Variants in OCLN observed in about 807,000 individuals in gnomAD.
OCLN encodes occludin, also known as phosphatase 1, regulatory subunit 115.
A neutral mutation model predicts 47.9 loss-of-function variants in OCLN; 21 were observed. That is an observed-to-expected ratio of 0.44 (90% confidence interval 0.31 to 0.63). The LOEUF is 0.63. Among genes scored for constraint, OCLN ranks in the 30% least tolerant of loss-of-function variants. The pLI is 0.08. For missense variants in OCLN, 360 were observed against 571.0 expected, an observed-to-expected ratio of 0.63 and a Z score of 3.77; for synonymous variants, 117 against 198.4, an observed-to-expected ratio of 0.59 and a Z score of 3.45.
At chr5:69,517,333 C>T (rs757845387) in intron 4 of OCLN, among the ~76,000 whole-genome samples, 16 of 143,778 alleles carry the variant, frequency 1.1e-4, no homozygotes, top group East Asian at 2.0e-4. Flanking sequence ...TTTTTTGAGA[C>T]GGCTTCTGGC....
chr5:69,514,203 A>G lies in OCLN; in HGVS notation c.891+94A>G. The G allele has an allele frequency of 2.7e-6, 3 of 1,091,600 alleles. No homozygotes were observed. The East Asian group carries it at 7.6e-5, about 28-fold the overall frequency. The allele number at this position is 1,091,600 out of a possible 1,614,324, so 67.6% of individuals were successfully genotyped here. On this transcript the variant is annotated intron_variant, in intron 4 of 8. Transcript: ENST00000396442. ...TTGTTAAACTTTATTCTTAGAATTA[A>G]TGTTTGTATATGTTGCAAAGGTTGT... is the stretch of plus-strand genomic sequence containing the variant.
intron 1 of OCLN, among the ~76,000 whole-genome samples, chr5:69,496,859 C>G (rs1768307428): frequency 6.6e-6 from 1 of 152,162 alleles, no homozygotes; most frequent in Admixed American, 6.5e-5. Flanking sequence ...TGCTGCTTCC[C>G]TTTTGCCCCC....
intron 3 of OCLN, among the ~76,000 whole-genome samples, chr5:69,511,832 C>G (rs952031188): frequency 1.3e-5 from 2 of 152,046 alleles, no homozygotes; most frequent in African/African-American, 4.8e-5. Context: ...CGAGACCAGC[C>G]TGGCCAACAT....
chr5:69,527,637 T>C (rs1370505796), intron 4 of OCLN, among the ~76,000 whole-genome samples: 2 of 152,172 alleles, frequency 1.3e-5, no homozygotes, highest in East Asian at 3.8e-4. Flanking sequence ...TTAGGACAAA[T>C]GTAGGGGTGT....
intron 4 of OCLN, among the ~76,000 whole-genome samples, chr5:69,527,280 A>C (rs1472159133): frequency 6.6e-6 from 1 of 151,998 alleles, no homozygotes; most frequent in African/African-American, 2.4e-5. Flanking sequence ...TCGTCTCAAA[A>C]AAAAAAAAAA....
In OCLN at chr5:69,553,654, G is replaced by C; in HGVS notation, c.1552G>C (p.Asp518His). The C allele has an allele frequency of 6.2e-7, 1 of 1,613,884 alleles. No individual in the cohort carries two copies. The highest frequency in any genetic ancestry group is 1.1e-5 in the South Asian group (1 of 91,074). ...CATCAAGAAGATGGTTGGAGACTAT[G>C]ATAGACAGAAAACATAGAAGGCTGA... The part of the protein sequence containing the change: ...SHIKKMVGDY[D>H]RQKT The change falls in exon 9 of 9, where the codon GAT becomes CAT. Residue 518 changes from aspartate (D) to histidine (H), a missense_variant. By Grantham distance (81) the Asp-to-His change is moderately conservative. This residue lies in a region of OCLN where 25 missense variants were observed against 43.9 expected (regional missense o/e 0.57). Transcript: ENST00000396442.
chr5:69,513,894 T>C, intron 3 of OCLN, 54 bp from the exon 4 acceptor site: 1 of 1,431,572 alleles, frequency 7.0e-7, no homozygotes, highest in Non-Finnish European at 9.9e-7. Context: ...AGAGGGTGAA[T>C]TGTGATTAAG....
chr5:69,509,791 A>G lies in OCLN; in HGVS notation c.701A>G (p.Tyr234Cys), dbSNP rs1768728280. 3 of 1,613,896 alleles carry G rather than the reference A, an allele frequency of 1.9e-6. No homozygotes were observed. The African/African-American group carries it at 4.0e-5, about 22-fold the overall frequency. Residue 234 changes from tyrosine (Y) to cysteine (C), a missense_variant, in exon 3 of 9, where the codon TAT becomes TGT. Transcript: ENST00000396442. ...GGACTCTACGTGGATCAGTATTTGT[A>G]TCACTACTGTGTTGTGGATCCCCAG... ...ATGLYVDQYL[Y>C]HYCVVDPQEA...
At chr5:69,529,788 A>C (rs1406084074) in intron 4 of OCLN, among the ~76,000 whole-genome samples, 1 of 151,992 alleles carries the variant, frequency 6.6e-6, no homozygotes, top group Non-Finnish European at 1.5e-5. Context: ...TTTTTAGTAG[A>C]GATGGGGTTT....
intron 3 of OCLN, among the ~76,000 whole-genome samples, chr5:69,511,441 TCTCA>T (rs1203105365): frequency 6.6e-6 from 1 of 151,904 alleles, no homozygotes; most frequent in Non-Finnish European, 1.5e-5. Context: ...TGAGACAGAG[TCTCA>T]CTGTCACCCA....
chr5:69,498,081 G>A lies in OCLN; in HGVS notation c.-69+5181G>A, dbSNP rs369252657. Among the ~76,000 whole-genome samples, 88 of 151,640 alleles carry A rather than the reference G, an allele frequency of 5.8e-4. 2 individuals carry two copies. The South Asian group carries it at 0.018, about 31-fold the overall frequency. ...CGGGAGGCGGAGCTTGCAGTGAGCC[G>A]AGATCCCGCCACTGCACTCCAGCCT... On this transcript the variant is annotated intron_variant, in intron 1 of 8. Transcript: ENST00000396442.
rs1768190634 is a variant in OCLN at position 69,493,213 on chromosome 5, C to T, written c.-69+313C>T. On this transcript the variant is annotated intron_variant, in intron 1 of 8. Transcript: ENST00000396442. The surrounding 1 kb of genome is among the most constrained non-coding windows in gnomAD (Gnocchi z 5.3). ...CGGGCAACTTTTCACTTTTATGGGG[C>T]ACGACATTCCTGAACAGCGACGATC... 6.6e-6 allele frequency among the ~76,000 whole-genome samples: 1 copy of T among 152,158 alleles called. No individual in the cohort carries two copies. Among genetic ancestry groups the T allele is most frequent in the African/African-American group, 2.4e-5 (1 of 41,452 alleles).
intron 1 of OCLN, among the ~76,000 whole-genome samples, chr5:69,497,939 C>T (rs1002438960): frequency 9.2e-5 from 14 of 151,500 alleles, no homozygotes; most frequent in Non-Finnish European, 1.9e-4. Flanking sequence ...GAGACCATCC[C>T]GGCTAAAACG....
intron 4 of OCLN, among the ~76,000 whole-genome samples, chr5:69,529,245 C>A (rs975343230): frequency 1.3e-5 from 2 of 152,144 alleles, no homozygotes; most frequent in Non-Finnish European, 2.9e-5. Flanking sequence ...AGGAGAGCTG[C>A]CCTGTTTGTT....
intron 4 of OCLN, among the ~76,000 whole-genome samples, chr5:69,521,094 C>T (rs1050913718): frequency 3.3e-5 from 5 of 152,184 alleles, no homozygotes; most frequent in Admixed American, 3.3e-4. Flanking sequence ...GCGTCGGCCT[C>T]CCAAAGTGCT....
At chr5:69,510,912 G>T (rs74995686) in intron 3 of OCLN, among the ~76,000 whole-genome samples, 1 of 152,230 alleles carries the variant, frequency 6.6e-6, no homozygotes, top group African/African-American at 2.4e-5. Flanking sequence ...ACCAACACTT[G>T]TTATTGTCTG....
chr5:69,515,031 G>T (rs1768891166), intron 4 of OCLN, among the ~76,000 whole-genome samples: 1 of 152,140 alleles, frequency 6.6e-6, no homozygotes, highest in Non-Finnish European at 1.5e-5. Context: ...TTCTCAATGA[G>T]CTGTTGGGTA....
intron 4 of OCLN, among the ~76,000 whole-genome samples, chr5:69,518,041 C>T (rs898485050): frequency 1.3e-5 from 2 of 152,084 alleles, no homozygotes; most frequent in Admixed American, 6.5e-5. Flanking sequence ...TATTAGAGTC[C>T]CAGTGAACTT....
Position 69,509,446 on chromosome 5 carries a change from G to T in OCLN, c.356G>T (p.Gly119Val). ...SGFGSYGSGY[G>V]YGYGYGYGYG... The stretch of plus-strand genomic sequence containing the variant: ...TTTGGTAGCTACGGAAGTGGCTATG[G>T]CTATGGCTATGGTTATGGCTATGGC... Residue 119 changes from glycine (G) to valine (V), a missense_variant, in exon 3 of 9, where the codon GGC becomes GTC. Gly to Val is a moderately radical substitution (Grantham distance 109). Coordinates refer to ENST00000396442, the MANE Select transcript of OCLN (RefSeq NM_001205254.2). 1 of 1,614,204 alleles carries T rather than the reference G, an allele frequency of 6.2e-7. No homozygotes were observed. Among genetic ancestry groups the T allele is most frequent in the South Asian group, 1.1e-5 (1 of 91,084 alleles).
Sources: gnomAD v4.1 joint callset for allele counts (sites outside exome capture counted in the v4.1 genomes callset) on GRCh38, gnomAD v4.1.1 for gene constraint, gnomAD v4.1.1 regional missense constraint, Gnocchi (gnomAD v3.1) non-coding constraint, MANE v1.5 for transcripts, NCBI Gene and HGNC (gene_info 2026-07-23, HGNC 2026-07-21) for gene names.